NEK1: variants seen among roughly 807,000 people sequenced by gnomAD.
The protein encoded by NEK1 is serine/threonine-protein kinase Nek1.
A neutral mutation model predicts 182.1 loss-of-function variants in NEK1; 137 were observed. The ratio of observed to expected loss-of-function variants is 0.75; its 90% CI spans 0.65 to 0.87. NEK1 has a LOEUF of 0.87. Ranked by LOEUF, NEK1 falls within the 40% of genes least tolerant of loss-of-function variation. NEK1 has a pLI of 0.00. For missense variants in NEK1, 1,391 were observed against 1,494.4 expected (o/e 0.93, Z 1.14); for synonymous variants, 513 against 492.2 (o/e 1.04, Z -0.56).
intron 27 of NEK1, among the ~76,000 whole-genome samples, chr4:169,445,128 A>C (rs1159976756): frequency 6.6e-6 from 1 of 151,742 alleles, no homozygotes; most frequent in Non-Finnish European, 1.5e-5. Context: ...AGCAATAAAC[A>C]CCCATATCAC....
At chr4:169,544,614 T>G (rs1307374111) in intron 18 of NEK1, among the ~76,000 whole-genome samples, 2 of 146,790 alleles carry the variant, frequency 1.4e-5, no homozygotes, top group African/African-American at 2.5e-5. Context: ...TTTTTTTTTT[T>G]TTTTTTTTTT....
At chr4:169,591,296 C>A (rs1413707956) in intron 5 of NEK1, among the ~76,000 whole-genome samples, 3 of 151,942 alleles carry the variant, frequency 2.0e-5, no homozygotes, top group Non-Finnish European at 2.9e-5. Flanking sequence ...AGGTGCATGC[C>A]ACCACGAGCA....
At chr4:169,526,219 A>G (rs1383122335) in intron 19 of NEK1, among the ~76,000 whole-genome samples, 1 of 152,216 alleles carries the variant, frequency 6.6e-6, no homozygotes, top group African/African-American at 2.4e-5. Context: ...ACCAGTCACA[A>G]TGGGTCATGC....
At chr4:169,571,276 T>G (rs1764809207) in intron 12 of NEK1, among the ~76,000 whole-genome samples, 1 of 152,034 alleles carries the variant, frequency 6.6e-6, no homozygotes. Context: ...TCCCAGAACT[T>G]TGGGAGGCCA....
chr4:169,465,841 A>G (rs1218069491), intron 26 of NEK1, among the ~76,000 whole-genome samples: 1 of 152,174 alleles, frequency 6.6e-6, no homozygotes, highest in Non-Finnish European at 1.5e-5. Context: ...TGAAAGAGCC[A>G]AGCTATGCAC....
chr4:169,419,345 AATC>A (rs999226162), intron 31 of NEK1, among the ~76,000 whole-genome samples: 3 of 152,196 alleles, frequency 2.0e-5, no homozygotes, highest in South Asian at 2.1e-4. Context: ...TGAAAAAAAA[AATC>A]ATCATCAACA....
At chr4:169,530,439 T>C (rs182207355) in intron 19 of NEK1, among the ~76,000 whole-genome samples, 85 of 152,304 alleles carry the variant, frequency 5.6e-4, no homozygotes, top group African/African-American at 2.0e-3. Flanking sequence ...TTATATGAGA[T>C]ATTGAACACT....
chr4:169,495,524 G>A (rs1203717022), intron 23 of NEK1, among the ~76,000 whole-genome samples: 1 of 152,160 alleles, frequency 6.6e-6, no homozygotes, highest in East Asian at 1.9e-4. Flanking sequence ...TTACAGGCGT[G>A]AGCCACCGTG....
chr4:169,550,743 A>G (rs1445258879), intron 18 of NEK1, among the ~76,000 whole-genome samples: 1 of 152,196 alleles, frequency 6.6e-6, no homozygotes, highest in Non-Finnish European at 1.5e-5. Context: ...TTCATGGCCA[A>G]TAGTGGCATA....
chr4:169,598,421 T>C (rs1769923439), intron 5 of NEK1, among the ~76,000 whole-genome samples: 1 of 151,420 alleles, frequency 6.6e-6, no homozygotes, highest in East Asian at 1.9e-4. Flanking sequence ...TTATGGAAAA[T>C]TTAAAGAAGC....
At chr4:169,478,451 C>T (rs567801989) in intron 24 of NEK1, 1 of 152,138 alleles carries the variant, frequency 6.6e-6, no homozygotes, top group South Asian at 2.1e-4. Context: ...ACAGTGGTAT[C>T]TAAAGTTGGA....
chr4:169,436,182 G>C (rs1738380563), intron 28 of NEK1, among the ~76,000 whole-genome samples: 1 of 152,206 alleles, frequency 6.6e-6, no homozygotes. Context: ...GGGATTACAG[G>C]TGTGAGCCAC....
chr4:169,435,674 C>G (rs1195688106), intron 28 of NEK1, among the ~76,000 whole-genome samples: 6 of 152,090 alleles, frequency 3.9e-5, no homozygotes, highest in African/African-American at 1.4e-4. Context: ...CCCAAGCCAT[C>G]ATGAAAATAG....
intron 19 of NEK1, among the ~76,000 whole-genome samples, chr4:169,513,924 T>C (rs1210511912): frequency 1.3e-5 from 2 of 152,114 alleles, no homozygotes; most frequent in Non-Finnish European, 1.5e-5. Flanking sequence ...TCCACTTGGT[T>C]GGGGCTGGAT....
At chr4:169,604,194 A>G (rs1770962830) in intron 2 of NEK1, among the ~76,000 whole-genome samples, 1 of 152,158 alleles carries the variant, frequency 6.6e-6, no homozygotes, top group Non-Finnish European at 1.5e-5. Flanking sequence ...CAAATGTATT[A>G]ATCTTTTCTT....
chr4:169,542,536 C>A (rs977071923), intron 18 of NEK1, among the ~76,000 whole-genome samples: 4 of 152,188 alleles, frequency 2.6e-5, no homozygotes, highest in African/African-American at 9.7e-5. Flanking sequence ...ATTGCTGGGT[C>A]AAATGGCATT....
At chr4:169,439,523 T>C (rs7666939) in intron 27 of NEK1, among the ~76,000 whole-genome samples, 10,864 of 152,246 alleles carry the variant, frequency 0.071, 1,267 homozygotes, top group African/African-American at 0.25. Flanking sequence ...AGATCACATC[T>C]GTGTTTTTCC....
chr4:169,452,666 AAAT>A (rs1474939907), intron 27 of NEK1, among the ~76,000 whole-genome samples: 1 of 152,204 alleles, frequency 6.6e-6, no homozygotes, highest in Non-Finnish European at 1.5e-5. Flanking sequence ...ACATATCTCA[AAAT>A]AATAAGAACT....
intron 23 of NEK1, among the ~76,000 whole-genome samples, chr4:169,504,037 C>G (rs1030275980): frequency 1.3e-5 from 2 of 151,888 alleles, no homozygotes; most frequent in Admixed American, 6.6e-5. Context: ...CAGGAAAAAT[C>G]TGATAATCCA....
Sources: allele counts gnomAD v4.1 joint callset (sites outside exome capture counted in the v4.1 genomes callset), GRCh38; gene constraint gnomAD v4.1.1; transcripts MANE v1.5; gene names NCBI Gene and HGNC (gene_info 2026-07-23, HGNC 2026-07-21).